The following DOCK1 variants were observed in gnomAD, a reference collection of about 807,000 sequenced individuals.
The protein encoded by DOCK1 is dedicator of cytokinesis protein 1.
Under a neutral mutation model 262.7 loss-of-function variants are expected in DOCK1, and 138 were observed. The observed-to-expected ratio is 0.53, with a 90% CI of 0.46 to 0.61. The LOEUF (loss-of-function observed/expected upper bound fraction) is 0.61, where lower values mean the gene tolerates loss of function less well. Ranked by LOEUF, DOCK1 falls within the 20% of genes least tolerant of loss-of-function variation. The probability of loss-of-function intolerance (pLI) is 0.00; values close to 1 mark genes in which losing one functional copy is unlikely to be tolerated. For synonymous variants in DOCK1, 866 were observed against 867.4 expected (o/e 1.00, Z 0.03); for missense variants, 1,908 against 2,370.7 (o/e 0.80, Z 4.05).
intron 27 of DOCK1, among the ~76,000 whole-genome samples, chr10:127,193,299 C>T (rs1479756674): frequency 4.6e-5 from 7 of 152,080 alleles, no homozygotes; most frequent in Admixed American, 1.3e-4. Context: ...CCCAGAATGA[C>T]GGTGGTTTGC....
At chr10:127,098,633 C>A (rs755059248) in intron 23 of DOCK1, among the ~76,000 whole-genome samples, 1 of 152,252 alleles carries the variant, frequency 6.6e-6, no homozygotes, top group South Asian at 2.1e-4. Context: ...ATGGAGGAGC[C>A]CGGACAGCAC....
chr10:127,417,121 C>A (rs549006259), intron 44 of DOCK1, among the ~76,000 whole-genome samples: 1 of 152,316 alleles, frequency 6.6e-6, no homozygotes, highest in South Asian at 2.1e-4. Context: ...GAGGCTGTAG[C>A]AGGAAGAAAG....
At chr10:127,285,418 G>A (rs2061113493) in intron 29 of DOCK1, among the ~76,000 whole-genome samples, 1 of 152,226 alleles carries the variant, frequency 6.6e-6, no homozygotes, top group Non-Finnish European at 1.5e-5. Flanking sequence ...AAGATGAGAA[G>A]TAAATGGCTC....
chr10:127,215,560 G>A (rs2058170785), intron 27 of DOCK1, among the ~76,000 whole-genome samples: 1 of 152,154 alleles, frequency 6.6e-6, no homozygotes, highest in African/African-American at 2.4e-5. Context: ...GATGGATTGT[G>A]AACAAACAGC....
intron 29 of DOCK1, among the ~76,000 whole-genome samples, chr10:127,288,476 T>G (rs2135344235): frequency 6.6e-6 from 1 of 152,018 alleles, no homozygotes; most frequent in South Asian, 2.1e-4. Context: ...ATACATTTTC[T>G]TTTTTTTAAT....
intron 29 of DOCK1, among the ~76,000 whole-genome samples, chr10:127,332,539 G>A (rs1445994691): frequency 6.6e-6 from 1 of 152,002 alleles, no homozygotes; most frequent in Non-Finnish European, 1.5e-5. Context: ...AGACTCCAGA[G>A]CCCCACATCC....
chr10:127,315,149 G>A (rs1000002365), intron 29 of DOCK1, among the ~76,000 whole-genome samples: 2 of 152,198 alleles, frequency 1.3e-5, no homozygotes, highest in African/African-American at 4.8e-5. Context: ...ATGGCGGAGA[G>A]CTGCCCCCTC....
chr10:127,172,075 C>T (rs1216638656), intron 27 of DOCK1, among the ~76,000 whole-genome samples: 1 of 152,200 alleles, frequency 6.6e-6, no homozygotes. Flanking sequence ...TCAGTGTACA[C>T]AGAGTGCATT....
intron 27 of DOCK1, among the ~76,000 whole-genome samples, chr10:127,148,957 GA>G (rs1328295544): frequency 1.3e-5 from 2 of 152,134 alleles, no homozygotes; most frequent in Admixed American, 1.3e-4. Context: ...AAATTTGTCA[GA>G]AAGATCACGT....
chr10:127,047,082 T>C (rs1228729635), intron 21 of DOCK1, among the ~76,000 whole-genome samples: 2 of 152,228 alleles, frequency 1.3e-5, no homozygotes, highest in Admixed American at 6.5e-5. Context: ...CGCATGGTGC[T>C]AGTTTTTGGA....
intron 23 of DOCK1, among the ~76,000 whole-genome samples, chr10:127,081,383 T>C (rs1186541198): frequency 1.3e-5 from 2 of 148,230 alleles, no homozygotes; most frequent in African/African-American, 5.1e-5. Flanking sequence ...TTTTTTTTTT[T>C]GCCTGTTTGA....
chr10:127,395,308 A>G (rs777261346), intron 38 of DOCK1, among the ~76,000 whole-genome samples: 1 of 152,168 alleles, frequency 6.6e-6, no homozygotes, highest in Non-Finnish European at 1.5e-5. Context: ...GCTCCACATA[A>G]GTAGTGCCTT....
At chr10:127,045,424 C>T (rs747420334) in intron 21 of DOCK1, among the ~76,000 whole-genome samples, 6 of 152,068 alleles carry the variant, frequency 3.9e-5, no homozygotes, top group Admixed American at 6.6e-5. Flanking sequence ...AGGTCGCCTC[C>T]GCATTGGTGA....
chr10:127,032,441 C>T, intron 18 of DOCK1, 121 bp downstream of exon 18: 1 of 1,030,412 alleles, frequency 9.7e-7, no homozygotes, highest in Non-Finnish European at 1.4e-6. Context: ...ATAAGGCATT[C>T]ATTGCATCGG....
chr10:127,116,985 TA>T (rs2049224111), intron 25 of DOCK1, among the ~76,000 whole-genome samples: 1 of 152,238 alleles, frequency 6.6e-6, no homozygotes, highest in Admixed American at 6.5e-5. Flanking sequence ...TTTTTATCTG[TA>T]ATACTGCACC....
chr10:126,910,026 T>A (rs1221892690), intron 1 of DOCK1, among the ~76,000 whole-genome samples: 1 of 152,198 alleles, frequency 6.6e-6, no homozygotes, highest in Non-Finnish European at 1.5e-5. Flanking sequence ...TTGCTAGGAA[T>A]AGTGTGATAT....
At chr10:127,383,322 A>G (rs2065921534) in intron 37 of DOCK1, among the ~76,000 whole-genome samples, 1 of 152,218 alleles carries the variant, frequency 6.6e-6, no homozygotes, top group African/African-American at 2.4e-5. Context: ...TTAAAAATGC[A>G]AGGAAGTCAT....
chr10:127,399,698 C>T (rs1284801713), intron 38 of DOCK1, among the ~76,000 whole-genome samples: 4 of 152,012 alleles, frequency 2.6e-5, no homozygotes, highest in Non-Finnish European at 5.9e-5. Context: ...CCCTGGCATT[C>T]TAGGCAGCTA....
intron 43 of DOCK1, among the ~76,000 whole-genome samples, chr10:127,411,181 A>G (rs1477147635): frequency 6.6e-6 from 1 of 152,142 alleles, no homozygotes; most frequent in Non-Finnish European, 1.5e-5. Flanking sequence ...GAGCTCCCAT[A>G]TGAGTAGCGC....
Sources: gnomAD v4.1 joint callset for allele counts (sites outside exome capture counted in the v4.1 genomes callset) on GRCh38, gnomAD v4.1.1 for gene constraint, MANE v1.5 for transcripts, NCBI Gene and HGNC (gene_info 2026-07-23, HGNC 2026-07-21) for gene names.